Variants in CDH8 observed in about 807,000 individuals in gnomAD.
The protein encoded by CDH8 is cadherin 8.
Under a neutral mutation model 68.1 loss-of-function variants are expected in CDH8, and 17 were observed. The ratio of observed to expected loss-of-function variants is 0.25; its 90% confidence interval spans 0.17 to 0.37. CDH8 has a LOEUF of 0.37. Ranked by LOEUF, CDH8 falls within the 10% of genes least tolerant of loss-of-function variation. CDH8 has a pLI of 1.00. For synonymous variants in CDH8, 372 were observed against 365.1 expected (o/e 1.02, Z -0.21); for missense variants, 763 against 999.3 (o/e 0.76, Z 3.19).
intron 7 of CDH8, among the ~76,000 whole-genome samples, chr16:61,797,296 A>T (rs1416078156): frequency 1.3e-5 from 2 of 152,082 alleles, no homozygotes; most frequent in African/African-American, 2.4e-5. Context: ...TTCAGAACAA[A>T]GTTTTGAATG....
At chr16:61,680,816 T>C (rs1240632041) in intron 10 of CDH8, among the ~76,000 whole-genome samples, 1 of 151,900 alleles carries the variant, frequency 6.6e-6, no homozygotes, top group Admixed American at 6.6e-5. Context: ...CTGCACCTAA[T>C]ATAGCACCTA....
At chr16:61,763,867 G>T (rs540952547) in intron 8 of CDH8, among the ~76,000 whole-genome samples, 34 of 152,186 alleles carry the variant, frequency 2.2e-4, no homozygotes, top group African/African-American at 7.9e-4. Flanking sequence ...AATAAATAAG[G>T]TTATACCTGT....
Position 61,700,278 on chromosome 16 carries a change from GTT to G in CDH8, c.1654+13561_1654+13562del, listed in dbSNP as rs56012802. 5.1e-4 allele frequency among the ~76,000 whole-genome samples: 70 copies of G among 136,506 alleles called. 1 individual carries two copies. The South Asian group carries it at 0.015, about 30-fold the overall frequency. The allele number at this position is 136,506 out of a possible 152,430, so 89.6% of individuals were successfully genotyped here. A position where few individuals can be genotyped will look rare whatever the true frequency, so the allele number is the denominator to read the frequency against. ...TCATATATTAGATCTATTTTTAGTT[GTT>G]TTTTTTTTTTTTTCTTTTGAGACGG... On this transcript the variant is annotated intron_variant, in intron 10 of 11. Transcript: ENST00000577390.
intron 2 of CDH8, among the ~76,000 whole-genome samples, chr16:61,991,818 A>C (rs1432732335): frequency 6.6e-6 from 1 of 152,138 alleles, no homozygotes; most frequent in Non-Finnish European, 1.5e-5. Flanking sequence ...TGAGAAGATA[A>C]AATGCCACCA....
intron 2 of CDH8, among the ~76,000 whole-genome samples, chr16:61,922,579 T>A (rs1380821988): frequency 6.6e-6 from 1 of 152,168 alleles, no homozygotes; most frequent in Non-Finnish European, 1.5e-5. Context: ...ATATAAATAA[T>A]GTACATGTGA....
intron 2 of CDH8, chr16:61,918,355 C>G (rs1353199401): frequency 6.4e-6 from 1 of 156,440 alleles, no homozygotes; most frequent in African/African-American, 2.4e-5. Context: ...CAGCTCCCAG[C>G]GTGAGCGACG....
chr16:61,771,508 A>G (rs1389142175), intron 8 of CDH8, among the ~76,000 whole-genome samples: 1 of 150,494 alleles, frequency 6.6e-6, no homozygotes, highest in African/African-American at 2.4e-5. Context: ...TTTTTAACCA[A>G]TTTTTCTTTA....
At chr16:61,849,429 C>A (rs1255011274) in intron 4 of CDH8, among the ~76,000 whole-genome samples, 1 of 152,094 alleles carries the variant, frequency 6.6e-6, no homozygotes, top group Non-Finnish European at 1.5e-5. Context: ...TGGCCTTGTG[C>A]CTAATATTTA....
chr16:61,659,586 C>T (rs1449952142), intron 10 of CDH8, among the ~76,000 whole-genome samples: 1 of 152,126 alleles, frequency 6.6e-6, no homozygotes. Context: ...GGCACTGTGC[C>T]ACTGAGAATA....
In CDH8 at chr16:61,817,628, C is replaced by A; in HGVS notation, c.1128G>T (p.Ala376=). 6.2e-7 allele frequency: 1 copy of A among 1,613,804 alleles called. No individual in the cohort carries two copies. The highest frequency in any genetic ancestry group is 8.5e-7 in the Non-Finnish European group (1 of 1,179,956). The change falls in exon 7 of 12, where the codon GCG becomes GCT. Residue 376 remains alanine (A), a synonymous_variant. Transcript: ENST00000577390. ...CATCTTCAACCACGATTTTGACTGT[C>A]GCCGTGTCTTTAAAGGGCCCCCTGC... The part of the protein sequence containing the change: ...FSGRGPFKDT[A]TVKIVVEDAD...
At chr16:61,923,399 C>T (rs1436501691) in intron 2 of CDH8, among the ~76,000 whole-genome samples, 1 of 152,096 alleles carries the variant, frequency 6.6e-6, no homozygotes, top group African/African-American at 2.4e-5. Flanking sequence ...AGTGTCATCA[C>T]TGATAACTTT....
chr16:61,748,289 T>A (rs139136897), intron 8 of CDH8, among the ~76,000 whole-genome samples: 1 of 152,154 alleles, frequency 6.6e-6, no homozygotes, highest in African/African-American at 2.4e-5. Context: ...TCAGGCACCA[T>A]GATTTTAATT....
intron 8 of CDH8, among the ~76,000 whole-genome samples, chr16:61,754,912 T>TGGCCCCCC (rs1567455144): frequency 6.6e-6 from 1 of 152,144 alleles, no homozygotes; most frequent in African/African-American, 2.4e-5. Flanking sequence ...TTTTCAGCAC[T>TGGCCCCCC]GGCCCCCTAC....
intron 2 of CDH8, among the ~76,000 whole-genome samples, chr16:61,917,975 T>A (rs757784891): frequency 0.079 from 11,895 of 150,494 alleles, 572 homozygotes; most frequent in African/African-American, 0.11. Context: ...TTGCTTTTTT[T>A]TTTTTTTTTT....
At chr16:61,936,436 A>G (rs1964628080) in intron 2 of CDH8, among the ~76,000 whole-genome samples, 1 of 152,214 alleles carries the variant, frequency 6.6e-6, no homozygotes, top group Admixed American at 6.5e-5. Context: ...TCGGGGCAGT[A>G]GATAAGGATT....
chr16:62,032,855 T>C (rs1902360346), intron 1 of CDH8, among the ~76,000 whole-genome samples: 1 of 152,124 alleles, frequency 6.6e-6, no homozygotes, highest in African/African-American at 2.4e-5. Context: ...TAACAAAGAT[T>C]GTCATTTTTT....
intron 2 of CDH8, among the ~76,000 whole-genome samples, chr16:61,973,710 A>G (rs1289401345): frequency 1.3e-5 from 2 of 152,220 alleles, no homozygotes; most frequent in African/African-American, 4.8e-5. Context: ...TAAACCAGAG[A>G]TGTCATATCC....
rs1322314188 is a variant in CDH8, at chr16:61,959,980, GTGTGTATATATA to G, written c.253-58519_253-58508del. Among the ~76,000 whole-genome samples, 19 of 37,364 alleles carry G rather than the reference GTGTGTATATATA, an allele frequency of 5.1e-4. 5 individuals are homozygous for G. The highest frequency in any genetic ancestry group is 1.4e-3 in the African/African-American group (17 of 12,350). 24.5% of individuals were successfully genotyped at this position (37,364 alleles called of 152,430 possible). A position where few individuals can be genotyped will look rare whatever the true frequency, so the allele number is the denominator to read the frequency against. The stretch of plus-strand genomic sequence containing the variant: ...CTCTGTATGTGGTGTATGTGTGTGT[GTGTGTATATATA>G]TATATATATATATATATATATATAC... On this transcript the variant is annotated intron_variant, in intron 2 of 11. Coordinates refer to ENST00000577390, the MANE Select transcript of CDH8 (RefSeq NM_001796.5).
At chr16:61,709,467 A>G (rs1964589151) in intron 10 of CDH8, among the ~76,000 whole-genome samples, 2 of 152,250 alleles carry the variant, frequency 1.3e-5, no homozygotes, top group South Asian at 4.1e-4. Flanking sequence ...ATCCACTTCC[A>G]CTTTCAGGCA....
Sources: gnomAD v4.1 joint callset for allele counts (sites outside exome capture counted in the v4.1 genomes callset) on GRCh38, gnomAD v4.1.1 for gene constraint, MANE v1.5 for transcripts, NCBI Gene and HGNC (gene_info 2026-07-23, HGNC 2026-07-21) for gene names.